DPY19L3: variants seen among roughly 807,000 people sequenced by gnomAD.
The protein encoded by DPY19L3 is dpy-19 like C-mannosyltransferase 3.
DPY19L3 carries 51 observed loss-of-function variants against 92.3 expected under a neutral mutation model. That is an observed-to-expected ratio of 0.55 (90% confidence interval 0.44 to 0.70). DPY19L3 has a LOEUF of 0.70. DPY19L3 is among the 30% of genes least tolerant of loss of function. The pLI, the probability that DPY19L3 is intolerant of heterozygous loss-of-function variation, is 0.00. For missense variants in DPY19L3, 706 were observed against 855.9 expected (o/e 0.82, Z 2.18); for synonymous variants, 309 against 315.2 (o/e 0.98, Z 0.21).
chr19:32,475,031 ACT>A (rs1568362010), intron 16 of DPY19L3, among the ~76,000 whole-genome samples: 1 of 152,144 alleles, frequency 6.6e-6, no homozygotes, highest in Non-Finnish European at 1.5e-5. Flanking sequence ...GCCTTTGTGA[ACT>A]CTGTAATTCA....
At chr19:32,425,322 A>C (rs1968720685) in intron 3 of DPY19L3, among the ~76,000 whole-genome samples, 1 of 152,192 alleles carries the variant, frequency 6.6e-6, no homozygotes, top group South Asian at 2.1e-4. Context: ...AGGCCAAGGC[A>C]GGCAGATCAC....
intron 17 of DPY19L3, 137 bp from the exon 18 acceptor site, chr19:32,480,262 T>G (rs960685313): frequency 5.2e-5 from 47 of 909,250 alleles, no homozygotes; most frequent in Non-Finnish European, 7.3e-5. Flanking sequence ...AATGAGCGAG[T>G]GCAGCGTGGC....
At chr19:32,407,300 G>C (rs930217072) in intron 1 of DPY19L3, among the ~76,000 whole-genome samples, 1 of 138,528 alleles carries the variant, frequency 7.2e-6, no homozygotes, top group African/African-American at 2.7e-5. Context: ...CGCTCCCTGG[G>C]ATAGCAGCTG....
At chr19:32,438,945 ATG>A (rs1160697529) in intron 6 of DPY19L3, 165 bp from the exon 7 acceptor site, 2 of 304,616 alleles carry the variant, frequency 6.6e-6, no homozygotes, top group African/African-American at 1.1e-4. Context: ...TGTTACAGGG[ATG>A]ATGATGATGA....
At chr19:32,413,325 C>A (rs1968258127) in intron 3 of DPY19L3, 1 of 152,066 alleles carries the variant, frequency 6.6e-6, no homozygotes, top group Non-Finnish European at 1.5e-5. Context: ...ACTTTGATGA[C>A]AAATCTAATT....
At chr19:32,441,698 A>C (rs1039809899) in intron 8 of DPY19L3, among the ~76,000 whole-genome samples, 1 of 152,188 alleles carries the variant, frequency 6.6e-6, no homozygotes, top group South Asian at 2.1e-4. Context: ...GGGTTTTGCC[A>C]TATTGCCCAG....
Position 32,408,457 on chromosome 19 carries a change from T to G in DPY19L3, c.103+101T>G, listed in dbSNP as rs1008875719. On this transcript the variant is annotated intron_variant, in intron 2 of 18. Transcript: ENST00000392250. ...TAAAAATTTGGTGGGACCTAACAAT[T>G]GAAACTTGTTGTAGTACCCTGATAT... 16 of 743,414 alleles carry G rather than the reference T, an allele frequency of 2.2e-5. No individual in the cohort carries two copies. The South Asian group carries it at 2.4e-4, about 11-fold the overall frequency. 46.1% of individuals were successfully genotyped at this position (743,414 alleles called of 1,614,324 possible).
intron 3 of DPY19L3, among the ~76,000 whole-genome samples, chr19:32,413,734 CG>C (rs1387927541): frequency 6.6e-6 from 1 of 151,518 alleles, no homozygotes; most frequent in Non-Finnish European, 1.5e-5. Flanking sequence ...TTGGGAGGAG[CG>C]GGGGCGGGCA....
rs1319451124 is a variant in DPY19L3, at chr19:32,457,968, A to C, written c.1090-132A>C. Reference sequence around the variant, plus strand: ...TTCCTCAGTTCTGAGAACTACTGTGAACATTTACTGATTTTGTACACCCAC... The same window carrying C: ...TTCCTCAGTTCTGAGAACTACTGTGCACATTTACTGATTTTGTACACCCAC... On this transcript the variant is annotated intron_variant, in intron 10 of 18. Coordinates refer to ENST00000392250, the MANE Select transcript of DPY19L3 (RefSeq NM_001172774.2). 4.4e-6 allele frequency: 3 copies of C among 675,048 alleles called. No homozygotes were observed. In the African/African-American group the frequency reaches 5.4e-5, roughly 12 times the overall value. 41.8% of individuals were successfully genotyped at this position (675,048 alleles called of 1,614,324 possible).
At position 32,468,800 on chromosome 19, in the gene DPY19L3, A is replaced by T; in HGVS notation, c.1684A>T (p.Met562Leu). Residue 562 changes from methionine to leucine, a missense_variant, in exon 16 of 19, where the codon ATG becomes TTG. Physicochemically the swap from Met to Leu is conservative, Grantham distance 15 (BLOSUM62 2). Coordinates refer to ENST00000392250, the MANE Select transcript of DPY19L3 (RefSeq NM_001172774.2). ...CTATGATCCAGATACAGTGGAGCTG[A>T]TGAACTGGATTAAGTAAGAGGATTT... ...EFYDPDTVEL[M>L]NWINSNTPRK... 1.2e-6 allele frequency: 2 copies of T among 1,613,726 alleles called. No individual in the cohort carries two copies. Among genetic ancestry groups the T allele is most frequent in the Non-Finnish European group, 1.7e-6 (2 of 1,179,776 alleles).
chr19:32,441,836 T>C (rs1348003561), intron 8 of DPY19L3, among the ~76,000 whole-genome samples: 2 of 152,210 alleles, frequency 1.3e-5, no homozygotes, highest in African/African-American at 4.8e-5. Flanking sequence ...GCAAAGGTAC[T>C]GTTTTGGCTC....
At chr19:32,443,464 G>A (rs1969386740) in intron 8 of DPY19L3, among the ~76,000 whole-genome samples, 3 of 152,150 alleles carry the variant, frequency 2.0e-5, no homozygotes, top group Admixed American at 6.6e-5. Context: ...TTATAAAACA[G>A]GCACAAGGGA....
At chr19:32,438,675 T>G (rs1969226011) in intron 6 of DPY19L3, among the ~76,000 whole-genome samples, 3 of 152,162 alleles carry the variant, frequency 2.0e-5, no homozygotes, top group Admixed American at 2.0e-4. Flanking sequence ...GGGATTCACA[T>G]TCTAGAGAGG....
intron 3 of DPY19L3, among the ~76,000 whole-genome samples, chr19:32,423,077 T>C (rs1253066152): frequency 6.6e-6 from 1 of 152,114 alleles, no homozygotes; most frequent in Non-Finnish European, 1.5e-5. Flanking sequence ...AAAAACTTCA[T>C]CCATCCATGA....
rs1970782492 is a variant in DPY19L3, at chr19:32,485,794, T to A, written c.*3554T>A. ...TCTTGTGGCAATTGATTTTCTGTTT[T>A]AACACCCTTTGGGTAAAATCTTGCA... On this transcript the variant is annotated 3_prime_UTR_variant, in exon 19 of 19. Transcript: ENST00000392250. 6.6e-6 allele frequency: 1 copy of A among 152,218 alleles called. No homozygotes were observed. Among genetic ancestry groups the A allele is most frequent in the African/African-American group, 2.4e-5 (1 of 41,460 alleles). The allele number at this position is 152,218 out of a possible 1,614,324, so 9.4% of individuals were successfully genotyped here.
intron 8 of DPY19L3, 135 bp downstream of exon 8, chr19:32,440,045 G>A (rs1367577312): frequency 6.3e-6 from 7 of 1,105,882 alleles, no homozygotes; most frequent in African/African-American, 3.2e-5. Context: ...ATTTGCTGTG[G>A]CCAATTGAAG....
intron 13 of DPY19L3, 33 bp downstream of exon 13, chr19:32,463,521 A>G (rs946284402): frequency 1.9e-6 from 3 of 1,602,592 alleles, no homozygotes; most frequent in African/African-American, 2.7e-5. Context: ...TTTACTTTTT[A>G]TTTGATCACT....
chr19:32,407,065 G>A (rs923841953), intron 1 of DPY19L3, among the ~76,000 whole-genome samples: 1 of 142,170 alleles, frequency 7.0e-6, no homozygotes, highest in African/African-American at 2.6e-5. Context: ...GGTTTGTTCT[G>A]TAGAGCAAGT....
intron 3 of DPY19L3, among the ~76,000 whole-genome samples, chr19:32,426,025 T>C (rs2145448732): frequency 6.6e-6 from 1 of 152,344 alleles, no homozygotes; most frequent in Admixed American, 6.5e-5. Context: ...TGAGTATCTG[T>C]TGTTTAATGT....
Sources: gnomAD v4.1 joint callset for allele counts (sites outside exome capture counted in the v4.1 genomes callset) on GRCh38, gnomAD v4.1.1 for gene constraint, MANE v1.5 for transcripts, NCBI Gene and HGNC (gene_info 2026-07-23, HGNC 2026-07-21) for gene names.